COL14A1: variants seen among roughly 807,000 people sequenced by gnomAD.
The protein encoded by COL14A1 is collagen alpha-1(XIV) chain.
A neutral mutation model predicts 230.3 loss-of-function variants in COL14A1; 136 were observed. The observed-to-expected ratio is 0.59, with a 90% confidence interval of 0.51 to 0.68. The LOEUF is 0.68. Ranked by LOEUF, COL14A1 falls within the 30% of genes least tolerant of loss-of-function variation. The probability of loss-of-function intolerance (pLI) is 0.00; values close to 1 mark genes in which losing one functional copy is unlikely to be tolerated. For missense variants in COL14A1, 1,976 were observed against 2,215.8 expected (o/e 0.89, Z 2.17); for synonymous variants, 792 against 784.1 (o/e 1.01, Z -0.17).
chr8:120,347,165 G>A (rs1379071438), intron 45 of COL14A1, among the ~76,000 whole-genome samples: 2 of 152,096 alleles, frequency 1.3e-5, no homozygotes, highest in African/African-American at 4.8e-5. Context: ...CCCCGTTCTT[G>A]CCAGACCGAG....
At chr8:120,239,473 C>T (rs934074204) in intron 19 of COL14A1, among the ~76,000 whole-genome samples, 24 of 152,160 alleles carry the variant, frequency 1.6e-4, no homozygotes, top group Non-Finnish European at 2.8e-4. Flanking sequence ...GAAAGTACTT[C>T]ATTTCTGGCT....
At chr8:120,293,962 A>G (rs1237531953) in intron 34 of COL14A1, among the ~76,000 whole-genome samples, 1 of 151,926 alleles carries the variant, frequency 6.6e-6, no homozygotes, top group African/African-American at 2.4e-5. Flanking sequence ...TCAGTTCAAT[A>G]GTTGACAAGT....
intron 14 of COL14A1, among the ~76,000 whole-genome samples, chr8:120,219,808 T>G (rs1165619458): frequency 6.6e-6 from 1 of 152,202 alleles, no homozygotes; most frequent in Non-Finnish European, 1.5e-5. Flanking sequence ...GTAGTGTTTT[T>G]CAGTCTTGGG....
intron 45 of COL14A1, among the ~76,000 whole-genome samples, chr8:120,366,228 T>A (rs7015443): frequency 0.13 from 19,144 of 152,292 alleles, 1,381 homozygotes; most frequent in East Asian, 0.19. Flanking sequence ...TTTGCAATTT[T>A]AAAAAATTGC....
At chr8:120,146,932 T>A (rs1815108459) in intron 1 of COL14A1, among the ~76,000 whole-genome samples, 1 of 152,130 alleles carries the variant, frequency 6.6e-6, no homozygotes, top group Admixed American at 6.5e-5. Context: ...AATGACCTAG[T>A]AATAGAATTG....
chr8:120,162,264 G>T lies in COL14A1; in HGVS notation c.206-162G>T, dbSNP rs537079076. Among the ~76,000 whole-genome samples the T allele has an allele frequency of 2.0e-5, 3 of 152,238 alleles. No homozygotes were observed. In the East Asian group the frequency reaches 5.8e-4, roughly 29 times the overall value. Reference sequence around the variant, plus strand: ...CTCTTGATGTATGTAAAAAAATCATGATGTACACTCTAAATATATACACTT... The same window carrying T: ...CTCTTGATGTATGTAAAAAAATCATTATGTACACTCTAAATATATACACTT... On this transcript the variant is annotated intron_variant, in intron 3 of 47. Transcript: ENST00000297848.
chr8:120,197,335 T>C (rs1251161228), intron 6 of COL14A1, among the ~76,000 whole-genome samples: 1 of 152,272 alleles, frequency 6.6e-6, no homozygotes, highest in East Asian at 1.9e-4. Flanking sequence ...AAATTAATTC[T>C]AGCCCAGATA....
chr8:120,355,607 T>C (rs1270554801), intron 45 of COL14A1, among the ~76,000 whole-genome samples: 1 of 151,976 alleles, frequency 6.6e-6, no homozygotes, highest in African/African-American at 2.4e-5. Flanking sequence ...GAGACGGGGT[T>C]TCACCATGTA....
intron 5 of COL14A1, among the ~76,000 whole-genome samples, chr8:120,185,286 T>C (rs2130657298): frequency 6.6e-6 from 1 of 152,360 alleles, no homozygotes; most frequent in South Asian, 2.1e-4. Flanking sequence ...TGTTGCATTC[T>C]GTGAGGACAA....
chr8:120,315,213 T>A (rs1821176732), intron 38 of COL14A1, among the ~76,000 whole-genome samples: 1 of 151,622 alleles, frequency 6.6e-6, no homozygotes. Flanking sequence ...CTACTAAAAG[T>A]ACAAAAATTA....
intron 33 of COL14A1, among the ~76,000 whole-genome samples, chr8:120,288,725 A>C (rs1000278796): frequency 1.9e-4 from 29 of 152,140 alleles, no homozygotes; most frequent in African/African-American, 7.0e-4. Flanking sequence ...AACTACCGTA[A>C]TGCCTTATCT....
At chr8:120,137,631 A>G (rs1486440474) in intron 1 of COL14A1, among the ~76,000 whole-genome samples, 1 of 152,016 alleles carries the variant, frequency 6.6e-6, no homozygotes, top group African/African-American at 2.4e-5. Context: ...GCATTCCACA[A>G]ATTTTCACAA....
intron 36 of COL14A1, among the ~76,000 whole-genome samples, chr8:120,308,654 A>T (rs564502833): frequency 5.3e-5 from 8 of 152,328 alleles, no homozygotes; most frequent in African/African-American, 1.9e-4. Context: ...ATGGTTTTTT[A>T]AAAAGCTGAG....
intron 40 of COL14A1, among the ~76,000 whole-genome samples, chr8:120,324,765 A>C (rs1016706870): frequency 2.6e-5 from 4 of 152,216 alleles, no homozygotes; most frequent in Non-Finnish European, 4.4e-5. Flanking sequence ...GCTTCGAAGA[A>C]GATATGAATG....
intron 24 of COL14A1, among the ~76,000 whole-genome samples, chr8:120,263,876 A>G (rs1223472037): frequency 6.6e-6 from 1 of 152,206 alleles, no homozygotes; most frequent in African/African-American, 2.4e-5. Context: ...ATAAAAGTAT[A>G]ATAAATTAAA....
chr8:120,286,106 C>G, intron 33 of COL14A1, 136 bp downstream of exon 33: 1 of 619,254 alleles, frequency 1.6e-6, no homozygotes, highest in East Asian at 2.9e-5. Context: ...TTAACAATAC[C>G]TGTGCTTGTT....
At chr8:120,280,669 A>G (rs774451218) in intron 29 of COL14A1, 42 bp from the exon 30 acceptor site, 1 of 1,593,206 alleles carries the variant, frequency 6.3e-7, no homozygotes, top group Admixed American at 1.7e-5. Flanking sequence ...TGTTTGTGAA[A>G]TATCCGAATT....
chr8:120,284,489 A>G (rs2129925484), intron 32 of COL14A1, among the ~76,000 whole-genome samples: 1 of 152,294 alleles, frequency 6.6e-6, no homozygotes, highest in Admixed American at 6.5e-5. Context: ...TTCTATATCT[A>G]GTTTTAGTTT....
intron 26 of COL14A1, among the ~76,000 whole-genome samples, chr8:120,276,701 G>T (rs1025765612): frequency 1.3e-5 from 2 of 151,674 alleles, no homozygotes; most frequent in Admixed American, 6.6e-5. Context: ...GGGGGTAAGG[G>T]GGAGGGATAG....
Sources: allele counts gnomAD v4.1 joint callset (sites outside exome capture counted in the v4.1 genomes callset), GRCh38; gene constraint gnomAD v4.1.1; transcripts MANE v1.5; gene names NCBI Gene and HGNC (gene_info 2026-07-23, HGNC 2026-07-21).